TET1: variants seen among roughly 807,000 people sequenced by gnomAD.
TET1 encodes methylcytosine dioxygenase TET1.
A neutral mutation model predicts 148.7 loss-of-function variants in TET1; 13 were observed. The observed-to-expected ratio is 0.09, with a 90% CI of 0.06 to 0.14. The LOEUF (loss-of-function observed/expected upper bound fraction) is 0.14. Among genes scored for constraint, TET1 ranks in the 10% least tolerant of loss-of-function variants. TET1 has a pLI of 1.00. For missense variants in TET1, 2,182 were observed against 2,553.8 expected (o/e 0.85, Z 3.14); for synonymous variants, 907 against 937.2 (o/e 0.97, Z 0.59).
chr10:68,645,390 A>C lies in TET1; in HGVS notation c.2661A>C (p.Thr887=). The C allele has an allele frequency of 1.2e-6, 2 of 1,614,142 alleles. No homozygotes were observed. Among genetic ancestry groups the C allele is most frequent in the Non-Finnish European group, 1.7e-6 (2 of 1,180,044 alleles). ...CGTTAATGAAAGATAGGAGATTAACATTGGAGCAAGTGGTAGCCATAGAGG... is the reference window on the plus strand; with the variant it reads ...CGTTAATGAAAGATAGGAGATTAACCTTGGAGCAAGTGGTAGCCATAGAGG... ...LLSLMKDRRL[T]LEQVVAIEAL... is the part of the protein sequence containing the mutation. The change falls in exon 4 of 12, where the codon ACA becomes ACC. Residue 887 remains threonine (T), a synonymous_variant. Coordinates refer to ENST00000373644, the MANE Select transcript of TET1 (RefSeq NM_030625.3).
At chr10:68,568,867 A>T (rs764613141) in intron 1 of TET1, among the ~76,000 whole-genome samples, 1 of 152,094 alleles carries the variant, frequency 6.6e-6, no homozygotes, top group Non-Finnish European at 1.5e-5. Flanking sequence ...AAAGAAAAAG[A>T]AAAAGACCTG....
At chr10:68,635,557 G>A (rs895057614) in intron 3 of TET1, among the ~76,000 whole-genome samples, 1 of 152,164 alleles carries the variant, frequency 6.6e-6, no homozygotes, top group Non-Finnish European at 1.5e-5. Context: ...CCAAACCCAT[G>A]TTCTTAAAAA....
intron 3 of TET1, among the ~76,000 whole-genome samples, chr10:68,601,454 A>T (rs1231011870): frequency 6.6e-6 from 1 of 152,242 alleles, no homozygotes; most frequent in Non-Finnish European, 1.5e-5. Flanking sequence ...AAAATGTATG[A>T]TTCTTTTCCA....
At chr10:68,619,904 C>T (rs2054345631) in intron 3 of TET1, among the ~76,000 whole-genome samples, 1 of 152,072 alleles carries the variant, frequency 6.6e-6, no homozygotes, top group Non-Finnish European at 1.5e-5. Flanking sequence ...TTAAAGTGTA[C>T]AATTCAGGCT....
intron 4 of TET1, among the ~76,000 whole-genome samples, chr10:68,649,949 G>A (rs756460120): frequency 6.6e-6 from 1 of 152,070 alleles, no homozygotes; most frequent in Non-Finnish European, 1.5e-5. Flanking sequence ...CTTAAAGACA[G>A]AGAAACAAAA....
At chr10:68,614,253 T>C (rs1399703271) in intron 3 of TET1, among the ~76,000 whole-genome samples, 1 of 152,196 alleles carries the variant, frequency 6.6e-6, no homozygotes, top group Admixed American at 6.6e-5. Context: ...CTATGCATTA[T>C]CACAAATGAT....
intron 3 of TET1, among the ~76,000 whole-genome samples, chr10:68,632,184 T>C (rs2054582840): frequency 6.6e-6 from 1 of 151,216 alleles, no homozygotes; most frequent in African/African-American, 2.4e-5. Context: ...TAGCGGGGCG[T>C]GGTGGCGGGC....
chr10:68,631,645 G>T (rs2054573595), intron 3 of TET1, among the ~76,000 whole-genome samples: 1 of 151,946 alleles, frequency 6.6e-6, no homozygotes, highest in African/African-American at 2.4e-5. Flanking sequence ...ACGATTTACA[G>T]ATCTCCAAAC....
At chr10:68,594,217 T>C (rs2053952970) in intron 2 of TET1, among the ~76,000 whole-genome samples, 1 of 152,156 alleles carries the variant, frequency 6.6e-6, no homozygotes, top group Non-Finnish European at 1.5e-5. Flanking sequence ...TGAGGCACCA[T>C]GCCCAGCCCT....
In TET1 at chr10:68,610,351, G is replaced by A. The variant is rs113007073; in HGVS notation, c.1968+9317G>A. ...TGTAATCCCAGTACTTTGTGAGGCC[G>A]AGGCGGTGGATCACTTGAGGTCAGG... On this transcript the variant is annotated intron_variant, in intron 3 of 11. Coordinates refer to ENST00000373644, the MANE Select transcript of TET1 (RefSeq NM_030625.3). Among the ~76,000 whole-genome samples, 455 of 151,838 alleles carry A rather than the reference G, an allele frequency of 3.0e-3. 2 individuals carry two copies. Among genetic ancestry groups the A allele is most frequent in the Non-Finnish European group, 5.3e-3 (358 of 67,952 alleles).
intron 2 of TET1, among the ~76,000 whole-genome samples, chr10:68,582,188 C>T (rs572724201): frequency 3.9e-5 from 6 of 152,052 alleles, no homozygotes; most frequent in South Asian, 2.1e-4. Context: ...CAACCTCCAC[C>T]TCCTGGATTC....
At chr10:68,682,685 G>A (rs1182739328) in intron 9 of TET1, 151 bp from the exon 10 acceptor site, 4 of 866,088 alleles carry the variant, frequency 4.6e-6, no homozygotes, top group East Asian at 5.6e-5. Context: ...ATGTTGCTAA[G>A]CTACACCTTC....
chr10:68,628,368 G>A (rs977541712), intron 3 of TET1, among the ~76,000 whole-genome samples: 8 of 152,230 alleles, frequency 5.3e-5, no homozygotes. Flanking sequence ...TCGTCGTTAA[G>A]TTTAAATCTC....
chr10:68,645,513 T>C lies in TET1; in HGVS notation c.2784T>C (p.Asn928=). The C allele has an allele frequency of 6.2e-7, 1 of 1,614,096 alleles. No homozygotes were observed. The highest frequency in any genetic ancestry group is 1.7e-5 in the Admixed American group (1 of 60,032). Residue 928 remains asparagine, a synonymous_variant, in exon 4 of 12, where the codon AAT becomes AAC. Coordinates refer to ENST00000373644, the MANE Select transcript of TET1 (RefSeq NM_030625.3). ...AGCAGAGAACAGCCAGTTTGCTTAA[T>C]AGCTGCAAAGCTATCCTCTACACTG... ...ESEQRTASLL[N]SCKAILYTVR...
intron 7 of TET1, 77 bp from the exon 8 acceptor site, chr10:68,672,818 C>A: frequency 7.5e-7 from 1 of 1,325,230 alleles, no homozygotes; most frequent in Non-Finnish European, 1.0e-6. Context: ...CCTTCTAAAG[C>A]TATAGAAACC....
chr10:68,593,919 T>A (rs796115689), intron 2 of TET1, among the ~76,000 whole-genome samples: 2 of 110,360 alleles, frequency 1.8e-5, no homozygotes, highest in African/African-American at 7.4e-5. Context: ...TGAGCTATTT[T>A]TTTTTTTTTT....
At chr10:68,577,714 C>T (rs1160963705) in intron 2 of TET1, among the ~76,000 whole-genome samples, 2 of 152,102 alleles carry the variant, frequency 1.3e-5, no homozygotes, top group Non-Finnish European at 2.9e-5. Context: ...GAGGCTAAGG[C>T]AGGAGAATCG....
chr10:68,688,730 G>A, intron 11 of TET1, among the ~76,000 whole-genome samples: 1 of 152,068 alleles, frequency 6.6e-6, no homozygotes, highest in East Asian at 1.9e-4. Flanking sequence ...GAGCCACCGT[G>A]CCCGGCCTAC....
At chr10:68,687,156 G>T (rs1452799350) in intron 11 of TET1, among the ~76,000 whole-genome samples, 2 of 68,598 alleles carry the variant, frequency 2.9e-5, no homozygotes, top group Non-Finnish European at 5.9e-5. Flanking sequence ...CCCCGCCTTG[G>T]CCTCCCAAAG....
Sources: gnomAD v4.1 joint callset for allele counts (sites outside exome capture counted in the v4.1 genomes callset) on GRCh38, gnomAD v4.1.1 for gene constraint, MANE v1.5 for transcripts, NCBI Gene and HGNC (gene_info 2026-07-23, HGNC 2026-07-21) for gene names.